Variants in BRINP3 observed in about 807,000 individuals in gnomAD.
BRINP3 encodes BMP/retinoic acid inducible neural specific 3, also known as BMP/retinoic acid-inducible neural-specific protein 3.
BRINP3 carries 19 observed loss-of-function variants against 71.0 expected under a neutral mutation model. The ratio of observed to expected loss-of-function variants is 0.27; its 90% CI spans 0.19 to 0.39. The LOEUF (loss-of-function observed/expected upper bound fraction) is 0.39. Among genes scored for constraint, BRINP3 ranks in the 10% least tolerant of loss-of-function variants. The pLI is 1.00. For missense variants in BRINP3, 959 were observed against 940.8 expected (o/e 1.02, Z -0.25); for synonymous variants, 380 against 337.7 (o/e 1.13, Z -1.37).
intron 6 of BRINP3, among the ~76,000 whole-genome samples, chr1:190,220,925 T>C (rs543334293): frequency 6.6e-6 from 1 of 152,176 alleles, no homozygotes; most frequent in Non-Finnish European, 1.5e-5. Flanking sequence ...TGTAACCTCA[T>C]ATGAAGCCCA....
intron 6 of BRINP3, among the ~76,000 whole-genome samples, chr1:190,199,916 A>G (rs563658812): frequency 2.5e-4 from 38 of 152,068 alleles, no homozygotes; most frequent in Non-Finnish European, 4.9e-4. Flanking sequence ...CACCTTGTCT[A>G]TGTGACAACT....
intron 2 of BRINP3, among the ~76,000 whole-genome samples, chr1:190,295,829 G>A (rs1388460618): frequency 6.6e-6 from 1 of 152,104 alleles, no homozygotes; most frequent in Non-Finnish European, 1.5e-5. Context: ...TCAAGAAGGG[G>A]TGGTTTAGAC....
At chr1:190,415,589 GATATA>G (rs1367651346) in intron 2 of BRINP3, among the ~76,000 whole-genome samples, 2 of 152,044 alleles carry the variant, frequency 1.3e-5, no homozygotes, top group African/African-American at 2.4e-5. Context: ...TGAAAATCTA[GATATA>G]ATATAATTCA....
intron 6 of BRINP3, among the ~76,000 whole-genome samples, chr1:190,190,164 C>A (rs954744): frequency 3.3e-5 from 5 of 151,908 alleles, no homozygotes; most frequent in Non-Finnish European, 2.9e-5. Flanking sequence ...CCAGGGAGGG[C>A]GCAGAAACTT....
At chr1:190,446,710 A>T (rs1314798053) in intron 2 of BRINP3, among the ~76,000 whole-genome samples, 1 of 152,106 alleles carries the variant, frequency 6.6e-6, no homozygotes, top group African/African-American at 2.4e-5. Flanking sequence ...CATCTAGTTC[A>T]GCCTTAATTT....
intron 6 of BRINP3, among the ~76,000 whole-genome samples, chr1:190,183,268 C>A (rs2102542982): frequency 6.6e-6 from 1 of 151,854 alleles, no homozygotes; most frequent in East Asian, 1.9e-4. Flanking sequence ...TTTGGTATTT[C>A]ATGTAAGTAA....
intron 6 of BRINP3, among the ~76,000 whole-genome samples, chr1:190,205,931 T>C (rs953746595): frequency 6.6e-6 from 1 of 151,968 alleles, no homozygotes; most frequent in South Asian, 2.1e-4. Flanking sequence ...TATTTTTTTT[T>C]CCCAAAGGAA....
intron 2 of BRINP3, among the ~76,000 whole-genome samples, chr1:190,374,741 T>C (rs1670081308): frequency 6.6e-6 from 1 of 151,502 alleles, no homozygotes; most frequent in Non-Finnish European, 1.5e-5. Flanking sequence ...TAATGAAAAA[T>C]GAAAAACATT....
intron 7 of BRINP3, among the ~76,000 whole-genome samples, chr1:190,119,670 G>C (rs1205131644): frequency 6.6e-6 from 1 of 152,130 alleles, no homozygotes; most frequent in South Asian, 2.1e-4. Flanking sequence ...CAAATTTTTA[G>C]TGAACTGTTA....
chr1:190,209,018 A>C (rs780868918), intron 6 of BRINP3, among the ~76,000 whole-genome samples: 4 of 152,118 alleles, frequency 2.6e-5, no homozygotes, highest in Non-Finnish European at 5.9e-5. Context: ...TTACAGTTTC[A>C]TTAAACTCCT....
chr1:190,234,671 T>G (rs193226521), intron 4 of BRINP3, among the ~76,000 whole-genome samples, 194 bp from the exon 5 acceptor site: 457 of 152,200 alleles, frequency 3.0e-3, no homozygotes, highest in Non-Finnish European at 3.8e-3. Context: ...TTTAATTCAT[T>G]TTCTTTCCTT....
Position 190,477,464 on chromosome 1 carries a change from A to G in BRINP3, c.-67T>C, listed in dbSNP as rs537225693. On this transcript the variant is annotated 5_prime_UTR_variant, in exon 1 of 8. Coordinates refer to ENST00000367462, the MANE Select transcript of BRINP3 (RefSeq NM_199051.3). ...ATAACTTACCAGAGGAAATTTCAGG[A>G]AGCAAGAAGACTGTGAGAAAAATAC... is the stretch of plus-strand genomic sequence containing the variant. 1 of 152,356 alleles carries G rather than the reference A, an allele frequency of 6.6e-6. No individual in the cohort carries two copies. Among genetic ancestry groups the G allele is most frequent in the South Asian group, 2.1e-4 (1 of 4,832 alleles). 9.4% of individuals were successfully genotyped at this position (152,356 alleles called of 1,614,324 possible).
At chr1:190,194,837 A>C (rs1406431496) in intron 6 of BRINP3, among the ~76,000 whole-genome samples, 1 of 152,088 alleles carries the variant, frequency 6.6e-6, no homozygotes, top group African/African-American at 2.4e-5. Context: ...GTAGTAGCTA[A>C]CGTCTGAAGG....
intron 2 of BRINP3, among the ~76,000 whole-genome samples, chr1:190,367,757 CA>C (rs1332569835): frequency 6.6e-6 from 1 of 152,118 alleles, no homozygotes; most frequent in African/African-American, 2.4e-5. Context: ...AGTCTCTTTG[CA>C]TAGCAAGAGT....
At chr1:190,441,780 A>G (rs1474543642) in intron 2 of BRINP3, among the ~76,000 whole-genome samples, 1 of 152,146 alleles carries the variant, frequency 6.6e-6, no homozygotes, top group Non-Finnish European at 1.5e-5. Context: ...TCTCCCTAAT[A>G]GTACTTCAAT....
intron 6 of BRINP3, among the ~76,000 whole-genome samples, chr1:190,216,017 C>CAAAAAAAAAAAAAA (rs1177645401): frequency 7.7e-6 from 1 of 129,610 alleles, no homozygotes; most frequent in Non-Finnish European, 1.7e-5. Context: ...TTTATTTATC[C>CAAAAAAAAAAAAAA]AAAAAAAAAA....
At chr1:190,311,749 A>G (rs1665536786) in intron 2 of BRINP3, among the ~76,000 whole-genome samples, 1 of 151,132 alleles carries the variant, frequency 6.6e-6, no homozygotes. Flanking sequence ...GAGTAAAATA[A>G]CTGGTGACAC....
intron 6 of BRINP3, among the ~76,000 whole-genome samples, chr1:190,202,667 G>A (rs2102617507): frequency 6.6e-6 from 1 of 152,162 alleles, no homozygotes; most frequent in South Asian, 2.1e-4. Context: ...CCATGCTATT[G>A]TGATAGTGAA....
chr1:190,415,202 T>A (rs1364149109), intron 2 of BRINP3, among the ~76,000 whole-genome samples: 2 of 152,154 alleles, frequency 1.3e-5, no homozygotes, highest in Non-Finnish European at 2.9e-5. Flanking sequence ...TAACATAGCA[T>A]CTGCAAGTTT....
Sources: gnomAD v4.1 joint callset for allele counts (sites outside exome capture counted in the v4.1 genomes callset) on GRCh38, gnomAD v4.1.1 for gene constraint, MANE v1.5 for transcripts, NCBI Gene and HGNC (gene_info 2026-07-23, HGNC 2026-07-21) for gene names.